HEMK2: variants seen among roughly 807,000 people sequenced by gnomAD.
The protein encoded by HEMK2 is HemK methyltransferase 2, ETF1 glutamine and histone H4 lysine.
At chr21:28,763,415 G>A in the HEMK2 span, among the ~76,000 whole-genome samples, 3 of 152,010 alleles carry the variant, frequency 2.0e-5, no homozygotes, top group African/African-American at 7.2e-5. Flanking sequence ...AGGAGGTCAG[G>A]CTCTTTTAAA....
chr21:28,617,986 C>A, the HEMK2 span, among the ~76,000 whole-genome samples: 1 of 152,076 alleles, frequency 6.6e-6, no homozygotes, highest in Non-Finnish European at 1.5e-5. Flanking sequence ...TGGAGTTTCA[C>A]TATGTTGCCC....
the HEMK2 span, among the ~76,000 whole-genome samples, chr21:28,636,993 T>C: frequency 6.6e-6 from 1 of 152,300 alleles, no homozygotes; most frequent in East Asian, 1.9e-4. Flanking sequence ...TATGACATAA[T>C]GATTATCCGA....
chr21:28,760,721 A>G, the HEMK2 span, among the ~76,000 whole-genome samples: 1 of 152,110 alleles, frequency 6.6e-6, no homozygotes, highest in Non-Finnish European at 1.5e-5. Context: ...CCATCTTATG[A>G]TGGCCCCTTC....
At chr21:28,859,144 G>C in the HEMK2 span, among the ~76,000 whole-genome samples, 1 of 152,132 alleles carries the variant, frequency 6.6e-6, no homozygotes, top group African/African-American at 2.4e-5. Flanking sequence ...TAAAGTTCCA[G>C]GATTCACTCA....
At chr21:28,773,165 T>C in the HEMK2 span, among the ~76,000 whole-genome samples, 1 of 152,160 alleles carries the variant, frequency 6.6e-6, no homozygotes, top group Non-Finnish European at 1.5e-5. Flanking sequence ...AACAAAACAT[T>C]TTCTGATGCA....
chr21:28,800,986 G>C, the HEMK2 span, among the ~76,000 whole-genome samples: 279 of 152,350 alleles, frequency 1.8e-3, 2 homozygotes, highest in African/African-American at 6.6e-3. Flanking sequence ...ACAGTAGGGA[G>C]AAAGGGTGAA....
At chr21:28,753,780 C>T in the HEMK2 span, among the ~76,000 whole-genome samples, 46 of 152,296 alleles carry the variant, frequency 3.0e-4, 1 homozygote, top group Middle Eastern at 3.4e-3. Flanking sequence ...TTTTCTATAA[C>T]CTACCTATCT....
At chr21:28,854,388 G>A in the HEMK2 span, among the ~76,000 whole-genome samples, 3 of 151,958 alleles carry the variant, frequency 2.0e-5, no homozygotes, top group Admixed American at 6.6e-5. Context: ...TAAAACCAAT[G>A]AAAGAACTCC....
the HEMK2 span, among the ~76,000 whole-genome samples, chr21:28,712,041 T>G: frequency 6.6e-6 from 1 of 152,152 alleles, no homozygotes; most frequent in Non-Finnish European, 1.5e-5. Flanking sequence ...ACCATCACCT[T>G]GGGGATTACA....
the HEMK2 span, among the ~76,000 whole-genome samples, chr21:28,772,384 A>C: frequency 1.3e-5 from 2 of 152,144 alleles, no homozygotes; most frequent in African/African-American, 4.8e-5. Context: ...AACTTGTTTA[A>C]AGTATTGCCT....
At chr21:28,725,135 T>C in the HEMK2 span, among the ~76,000 whole-genome samples, 25 of 152,214 alleles carry the variant, frequency 1.6e-4, no homozygotes, top group Admixed American at 1.0e-3. Flanking sequence ...GACCAGCTGA[T>C]AGTCCTGACT....
the HEMK2 span, among the ~76,000 whole-genome samples, chr21:28,727,384 C>T: frequency 0.072 from 10,935 of 152,286 alleles, 494 homozygotes; most frequent in Middle Eastern, 0.14. Context: ...TAAGAATCAA[C>T]TCTTTGGTTT....
the HEMK2 span, among the ~76,000 whole-genome samples, chr21:28,790,091 T>A: frequency 6.6e-6 from 1 of 152,212 alleles, no homozygotes; most frequent in African/African-American, 2.4e-5. Flanking sequence ...AAACACTTCA[T>A]GGCTAATCAT....
chr21:28,864,913 T>TATAGATAAG, the HEMK2 span, among the ~76,000 whole-genome samples: 9 of 144,064 alleles, frequency 6.2e-5, no homozygotes, highest in Non-Finnish European at 6.0e-5. Context: ...AGATAGATGA[T>TATAGATAAG]ATAGATAGAT....
the HEMK2 span, among the ~76,000 whole-genome samples, chr21:28,647,340 A>C: frequency 9.6e-6 from 1 of 104,258 alleles, no homozygotes; most frequent in Admixed American, 9.5e-5. Flanking sequence ...AAAAAAAAAA[A>C]AAAAAACATA....
At chr21:28,878,884 A>G in the HEMK2 span, among the ~76,000 whole-genome samples, 1 of 149,472 alleles carries the variant, frequency 6.7e-6, no homozygotes, top group African/African-American at 2.4e-5. Flanking sequence ...TTAAAGTGTG[A>G]AACACATAGA....
the HEMK2 span, among the ~76,000 whole-genome samples, chr21:28,728,136 T>C: frequency 3.3e-5 from 5 of 152,300 alleles, no homozygotes; most frequent in Non-Finnish European, 4.4e-5. Context: ...TTGTGGTAAT[T>C]TGCTACAGTG....
chr21:28,788,294 A>G, the HEMK2 span, among the ~76,000 whole-genome samples: 3 of 150,978 alleles, frequency 2.0e-5, no homozygotes, highest in African/African-American at 7.3e-5. Flanking sequence ...ACACACACAC[A>G]CACACACACA....
At chr21:28,767,443 G>A in the HEMK2 span, among the ~76,000 whole-genome samples, 9 of 151,866 alleles carry the variant, frequency 5.9e-5, no homozygotes, top group South Asian at 1.7e-3. Flanking sequence ...AAAGAATTAT[G>A]TTCTTGAAAA....
Sources: allele counts gnomAD v4.1 joint callset (sites outside exome capture counted in the v4.1 genomes callset), GRCh38; gene constraint gnomAD v4.1.1; transcripts MANE v1.5; gene names NCBI Gene and HGNC (gene_info 2026-07-23, HGNC 2026-07-21).